Variants in FHIT observed in about 807,000 individuals in gnomAD.
FHIT encodes fragile histidine triad diadenosine triphosphatase, also known as bis(5'-adenosyl)-triphosphatase.
A neutral mutation model predicts 17.9 loss-of-function variants in FHIT; 19 were observed. That is an observed-to-expected ratio of 1.06 (90% CI 0.74 to 1.56). The LOEUF is 1.56. FHIT is among the 40% of genes most tolerant of loss of function. FHIT has a pLI of 0.00. For synonymous variants in FHIT, 81 were observed against 69.7 expected, an observed-to-expected ratio of 1.16 and a Z score of -0.81; for missense variants, 248 against 189.2, an observed-to-expected ratio of 1.31 and a Z score of -1.82.
chr3:60,858,036 G>T (rs1001548094), intron 3 of FHIT, among the ~76,000 whole-genome samples: 4 of 152,158 alleles, frequency 2.6e-5, no homozygotes, highest in African/African-American at 9.6e-5. Flanking sequence ...AAGTACTAGT[G>T]CTCACCTGAG....
chr3:60,156,893 T>C lies in FHIT; in HGVS notation c.104-142741A>G, dbSNP rs1279785187. Among the ~76,000 whole-genome samples the C allele has an allele frequency of 2.6e-5, 4 of 152,190 alleles. No individual in the cohort carries two copies. The South Asian group carries it at 6.2e-4, about 24-fold the overall frequency. On this transcript the variant is annotated intron_variant, in intron 5 of 9. Transcript: ENST00000492590. ...AAGTAATGCTGGGTCTTAATCAATGTGCATTAGTATGCTAGCAAAATGATA... is the reference window on the plus strand; with the variant it reads ...AAGTAATGCTGGGTCTTAATCAATGCGCATTAGTATGCTAGCAAAATGATA...
intron 5 of FHIT, among the ~76,000 whole-genome samples, chr3:60,138,125 T>C (rs934968023): frequency 1.3e-5 from 2 of 152,216 alleles, no homozygotes; most frequent in African/African-American, 4.8e-5. Flanking sequence ...CACTGTAAAA[T>C]TCAGTTATCT....
chr3:61,179,707 CAAAAAAAAAAAA>C (rs779180597), intron 2 of FHIT, among the ~76,000 whole-genome samples: 5 of 28,994 alleles, frequency 1.7e-4, no homozygotes, highest in Non-Finnish European at 3.3e-4. Flanking sequence ...GACCCTATCT[CAAAAAAAAAAAA>C]AAAAAAAAAA....
intron 5 of FHIT, among the ~76,000 whole-genome samples, chr3:60,183,395 C>G (rs1295092942): frequency 6.6e-6 from 1 of 152,088 alleles, no homozygotes; most frequent in East Asian, 1.9e-4. Context: ...GAGACTCTGT[C>G]TCAAACAAAG....
chr3:61,014,924 A>G (rs2032024573), intron 3 of FHIT, among the ~76,000 whole-genome samples: 1 of 150,184 alleles, frequency 6.7e-6, no homozygotes, highest in Non-Finnish European at 1.5e-5. Flanking sequence ...ATGTGTACAC[A>G]CACATCCATA....
chr3:61,169,477 A>G (rs2037934296), intron 2 of FHIT, among the ~76,000 whole-genome samples: 2 of 152,212 alleles, frequency 1.3e-5, no homozygotes, highest in South Asian at 2.1e-4. Context: ...TTATATTTTA[A>G]TGACCCAAAA....
chr3:60,291,380 A>G (rs765184411), intron 5 of FHIT, among the ~76,000 whole-genome samples: 1 of 152,038 alleles, frequency 6.6e-6, no homozygotes, highest in Non-Finnish European at 1.5e-5. Flanking sequence ...CTCCACCCTA[A>G]TCTTTTATTA....
intron 5 of FHIT, among the ~76,000 whole-genome samples, chr3:60,470,496 G>A (rs778701736): frequency 2.6e-5 from 4 of 151,718 alleles, no homozygotes; most frequent in South Asian, 2.1e-4. Flanking sequence ...CCACTGCTCC[G>A]GGCACATGGA....
chr3:60,180,490 G>A (rs935043205), intron 5 of FHIT, among the ~76,000 whole-genome samples: 3 of 152,114 alleles, frequency 2.0e-5, no homozygotes, highest in Admixed American at 1.3e-4. Flanking sequence ...AGACAAAATC[G>A]AGCAGAGACT....
At chr3:60,662,597 T>G (rs1050711848) in intron 4 of FHIT, among the ~76,000 whole-genome samples, 33 of 152,140 alleles carry the variant, frequency 2.2e-4, no homozygotes, top group African/African-American at 7.7e-4. Flanking sequence ...GGTATTTTGA[T>G]GAAAATTGAC....
intron 5 of FHIT, among the ~76,000 whole-genome samples, chr3:60,196,661 G>A (rs1218437749): frequency 6.6e-6 from 1 of 152,040 alleles, no homozygotes; most frequent in Non-Finnish European, 1.5e-5. Context: ...GACGGAAGCA[G>A]CAATGGCCTA....
rs1410992308 is a variant in FHIT, at chr3:60,995,102, C to T, written c.-111+46945G>A. 5.9e-5 allele frequency among the ~76,000 whole-genome samples: 9 copies of T among 152,138 alleles called. No individual in the cohort carries two copies. In the South Asian group the frequency reaches 6.2e-4, roughly 11 times the overall value. On this transcript the variant is annotated intron_variant, in intron 3 of 9. Transcript: ENST00000492590. ...TTGGGAGGCCGAGGCGGGCGGATCACGAGGTCAGGAGATCGAGACCATCCT... is the reference window on the plus strand; with the variant it reads ...TTGGGAGGCCGAGGCGGGCGGATCATGAGGTCAGGAGATCGAGACCATCCT...
intron 2 of FHIT, among the ~76,000 whole-genome samples, chr3:61,088,595 CTG>C (rs980988210): frequency 6.6e-6 from 1 of 152,134 alleles, no homozygotes; most frequent in African/African-American, 2.4e-5. Context: ...ATATTGGAAA[CTG>C]TGCTCCAACA....
chr3:60,442,559 G>C (rs1013800408), intron 5 of FHIT, among the ~76,000 whole-genome samples: 1 of 152,080 alleles, frequency 6.6e-6, no homozygotes, highest in African/African-American at 2.4e-5. Context: ...TTTATGTCAG[G>C]TTTGCCTAAG....
intron 8 of FHIT, among the ~76,000 whole-genome samples, chr3:59,780,602 TCG>T (rs1702538120): frequency 6.6e-6 from 1 of 152,212 alleles, no homozygotes; most frequent in Non-Finnish European, 1.5e-5. Context: ...AGTAGGGCCT[TCG>T]CAGAGGTGAT....
At chr3:60,606,508 T>C (rs1490644441) in intron 4 of FHIT, among the ~76,000 whole-genome samples, 1 of 152,170 alleles carries the variant, frequency 6.6e-6, no homozygotes, top group African/African-American at 2.4e-5. Flanking sequence ...CCCAAAGTGC[T>C]GGGATTACAG....
chr3:60,540,174 A>C (rs550642326), intron 4 of FHIT, among the ~76,000 whole-genome samples: 9 of 152,250 alleles, frequency 5.9e-5, no homozygotes, highest in African/African-American at 2.2e-4. Flanking sequence ...TGGATAGCTG[A>C]ACACGCAGAA....
chr3:60,066,992 C>T (rs1702543810), intron 5 of FHIT, among the ~76,000 whole-genome samples: 1 of 152,052 alleles, frequency 6.6e-6, no homozygotes. Context: ...TCATGTTTTG[C>T]TAGTCACTCT....
chr3:60,806,314 G>T (rs1194757093), intron 4 of FHIT, among the ~76,000 whole-genome samples: 1 of 152,158 alleles, frequency 6.6e-6, no homozygotes, highest in Non-Finnish European at 1.5e-5. Flanking sequence ...CAAATTCCCA[G>T]CTAAACTCCT....
Sources: allele counts gnomAD v4.1 joint callset (sites outside exome capture counted in the v4.1 genomes callset), GRCh38; gene constraint gnomAD v4.1.1; transcripts MANE v1.5; gene names NCBI Gene and HGNC (gene_info 2026-07-23, HGNC 2026-07-21).